The following ERVV-2 variants were observed in gnomAD, a reference collection of about 807,000 sequenced individuals.
ERVV-2 encodes endogenous retrovirus group V member 2, envelope, also known as endogenous retrovirus group V member 2 Env polyprotein.
For missense variants in ERVV-2, 291 were observed against 495.1 expected (o/e 0.59, Z 3.91); for synonymous variants, 105 against 184.6 (o/e 0.57, Z 3.49).
At chr19:53,046,473 G>C (rs946620750) in intron 1 of ERVV-2, among the ~76,000 whole-genome samples, 4 of 152,024 alleles carry the variant, frequency 2.6e-5, no homozygotes, top group Non-Finnish European at 5.9e-5. Flanking sequence ...ACCTCATTAG[G>C]CCATTGTAAC....
chr19:53,048,938 C>T lies in ERVV-2; in HGVS notation c.-314C>T. On this transcript the variant is annotated 5_prime_UTR_variant, in exon 2 of 2. Transcript: ENST00000601417. ...GAAACTGTGGGAAGGTCCCGAAGAACCACAGAAGAACAACAGAATTCAGCA... is the reference window on the plus strand; with the variant it reads ...GAAACTGTGGGAAGGTCCCGAAGAATCACAGAAGAACAACAGAATTCAGCA... The T allele has an allele frequency of 1.9e-6, 1 of 523,410 alleles. No individual in the cohort carries two copies. The highest frequency in any genetic ancestry group is 3.6e-5 in the East Asian group (1 of 27,568). 32.4% of individuals were successfully genotyped at this position (523,410 alleles called of 1,614,324 possible).
At chr19:53,045,285 TGACTGGG>T (rs2083886363) in intron 1 of ERVV-2, among the ~76,000 whole-genome samples, 1 of 150,074 alleles carries the variant, frequency 6.7e-6, no homozygotes, top group Non-Finnish European at 1.5e-5. Flanking sequence ...GGCTGTGCAG[TGACTGGG>T]GAGCTTCATA....
At chr19:53,047,151 T>C (rs922051236) in intron 1 of ERVV-2, among the ~76,000 whole-genome samples, 1 of 134,548 alleles carries the variant, frequency 7.4e-6, no homozygotes, top group Non-Finnish European at 1.6e-5. Flanking sequence ...AAAGTGAGAC[T>C]CCATGTCAAA....
rs1029146114 is a variant in ERVV-2, at chr19:53,051,303, T to C, written c.*444T>C. ...CTGGGACTACAGGCATGTGCCGCCA[T>C]GCCCGGCTAATTTTGTATTTTTAGT... is the stretch of plus-strand genomic sequence containing the variant. On this transcript the variant is annotated 3_prime_UTR_variant, in exon 2 of 2. Coordinates refer to ENST00000601417, the MANE Select transcript of ERVV-2 (RefSeq NM_001191055.2). Among the ~76,000 whole-genome samples, 5 of 151,952 alleles carry C rather than the reference T, an allele frequency of 3.3e-5. No homozygotes were observed. The highest frequency in any genetic ancestry group is 6.6e-5 in the Admixed American group (1 of 15,228).
In ERVV-2 at chr19:53,051,388, C is replaced by T. The variant is rs987176722; in HGVS notation, c.*529C>T. 2.6e-5 allele frequency among the ~76,000 whole-genome samples: 4 copies of T among 151,920 alleles called. No homozygotes were observed. Among genetic ancestry groups the T allele is most frequent in the Non-Finnish European group, 4.4e-5 (3 of 68,004 alleles). ...CTCAAACTCCTGACTTCAGGTGATT[C>T]GCTCGCCTCGGCCTCCTAAAGTGCT... On this transcript the variant is annotated 3_prime_UTR_variant, in exon 2 of 2. Coordinates refer to ENST00000601417, the MANE Select transcript of ERVV-2 (RefSeq NM_001191055.2).
intron 1 of ERVV-2, among the ~76,000 whole-genome samples, 187 bp from the exon 2 acceptor site, chr19:53,048,680 A>AAG (rs1381046499): frequency 1.3e-5 from 2 of 151,210 alleles, no homozygotes; most frequent in African/African-American, 4.9e-5. Flanking sequence ...CATCTCAAAA[A>AAG]AAAAAAAAAA....
chr19:53,047,947 A>G (rs2083897180), intron 1 of ERVV-2, among the ~76,000 whole-genome samples: 1 of 152,162 alleles, frequency 6.6e-6, no homozygotes, highest in African/African-American at 2.4e-5. Flanking sequence ...GCCAACACCA[A>G]CACAAATGGT....
rs911120828 is a variant in ERVV-2, at chr19:53,050,406, A to G, written c.1155A>G (p.Arg385=). Residue 385 remains arginine (R), a synonymous_variant, in exon 2 of 2, where the codon AGA becomes AGG. Transcript: ENST00000601417. ...TAGCAAATGTAGTCATGGACAACAG[A>G]TTGGCCTTAGATTACCTCTTAGCAG... ...DSLANVVMDN[R]LALDYLLAEQ... is the part of the protein sequence containing the mutation. The G allele has an allele frequency of 2.6e-6, 2 of 763,032 alleles. No homozygotes were observed. Among genetic ancestry groups the G allele is most frequent in the African/African-American group, 3.4e-5 (2 of 58,262 alleles). The allele number at this position is 763,032 out of a possible 1,614,324, so 47.3% of individuals were successfully genotyped here.
At chr19:53,045,570 G>T (rs1413522454) in intron 1 of ERVV-2, among the ~76,000 whole-genome samples, 1 of 152,014 alleles carries the variant, frequency 6.6e-6, no homozygotes, top group Non-Finnish European at 1.5e-5. Flanking sequence ...CAAACTGCTG[G>T]GATTACGGGC....
At position 53,049,104 on chromosome 19, in the gene ERVV-2, C is replaced by A; in HGVS notation, c.-148C>A. On this transcript the variant is annotated 5_prime_UTR_variant, in exon 2 of 2. Transcript: ENST00000601417. ...TGGTTGCGGTGGCATTGGTTCTTCT[C>A]CTTATTTTGACCCAACTGGCATGCC... 2 of 806,524 alleles carry A rather than the reference C, an allele frequency of 2.5e-6. No homozygotes were observed. Among genetic ancestry groups the A allele is most frequent in the Non-Finnish European group, 3.8e-6 (2 of 532,986 alleles). 50.0% of individuals were successfully genotyped at this position (806,524 alleles called of 1,614,324 possible).
chr19:53,046,210 C>T (rs1370518180), intron 1 of ERVV-2, among the ~76,000 whole-genome samples: 4 of 151,704 alleles, frequency 2.6e-5, no homozygotes, highest in Non-Finnish European at 5.9e-5. Context: ...TGCAGTGGGC[C>T]GAGATCGCAC....
intron 1 of ERVV-2, among the ~76,000 whole-genome samples, chr19:53,045,775 G>A (rs1434692809): frequency 2.0e-5 from 3 of 152,020 alleles, no homozygotes; most frequent in African/African-American, 4.8e-5. Flanking sequence ...AATTCTTCCT[G>A]CGGGTGCAAG....
rs2083908775 is a variant in ERVV-2, at chr19:53,050,609, C to G, written c.1358C>G (p.Ser453Cys). ...GAGGCTGTGAAGTCTGCCCTCCCCT[C>G]CCTCAACTGGTTTGTCCCTTTACTG... ...IWEAVKSALP[S>C]LNWFVPLLGP... is the part of the protein sequence containing the mutation. The change falls in exon 2 of 2, where the codon TCC becomes TGC. Residue 453 changes from serine (S) to cysteine (C), a missense_variant. Ser to Cys is a moderately radical substitution (Grantham distance 112, BLOSUM62 -1). Coordinates refer to ENST00000601417, the MANE Select transcript of ERVV-2 (RefSeq NM_001191055.2). 6.1e-6 allele frequency: 7 copies of G among 1,145,934 alleles called. No individual in the cohort carries two copies. Among genetic ancestry groups the G allele is most frequent in the South Asian group, 1.3e-5 (1 of 76,394 alleles). 71.0% of individuals were successfully genotyped at this position (1,145,934 alleles called of 1,614,324 possible).
rs1289789878 is a variant in ERVV-2, at chr19:53,050,914, G to A, written c.*55G>A. The stretch of plus-strand genomic sequence containing the variant: ...CTTCTTCGCCCCATGTCAGCAGGAA[G>A]TAGTTACAGAAGACCCACGACGTCC... On this transcript the variant is annotated 3_prime_UTR_variant, in exon 2 of 2. Transcript: ENST00000601417. 1 of 1,443,198 alleles carries A rather than the reference G, an allele frequency of 6.9e-7. No individual in the cohort carries two copies. Among genetic ancestry groups the A allele is most frequent in the Non-Finnish European group, 9.1e-7 (1 of 1,099,364 alleles). The allele number at this position is 1,443,198 out of a possible 1,614,324, so 89.4% of individuals were successfully genotyped here.
intron 1 of ERVV-2, among the ~76,000 whole-genome samples, chr19:53,048,059 C>A (rs1237405356): frequency 6.6e-6 from 1 of 152,054 alleles, no homozygotes; most frequent in African/African-American, 2.4e-5. Context: ...GGAAAGGAAA[C>A]AGCCAAGGGC....
chr19:53,051,213 C>A lies in ERVV-2; in HGVS notation c.*354C>A, dbSNP rs1292270265. The stretch of plus-strand genomic sequence containing the variant: ...CCAGGCTGGAGTACAATGGTGCGAT[C>A]TCGGCTCACTGCACCCTCCACCTCC... On this transcript the variant is annotated 3_prime_UTR_variant, in exon 2 of 2. Coordinates refer to ENST00000601417, the MANE Select transcript of ERVV-2 (RefSeq NM_001191055.2). The A allele has an allele frequency of 3.6e-5, 6 of 167,174 alleles. No homozygotes were observed. The highest frequency in any genetic ancestry group is 5.7e-5 in the Non-Finnish European group (5 of 88,000). The allele number at this position is 167,174 out of a possible 1,614,324, so 10.4% of individuals were successfully genotyped here.
At chr19:53,045,964 A>G (rs2083889278) in intron 1 of ERVV-2, among the ~76,000 whole-genome samples, 1 of 152,142 alleles carries the variant, frequency 6.6e-6, no homozygotes, top group Non-Finnish European at 1.5e-5. Flanking sequence ...GCCTGCTTAA[A>G]GAAATCCCTC....
rs753634711 is a variant in ERVV-2 at position 53,051,376 on chromosome 19, C to T, written c.*517C>T. 6.6e-6 allele frequency among the ~76,000 whole-genome samples: 1 copy of T among 151,878 alleles called. No homozygotes were observed. Among genetic ancestry groups the T allele is most frequent in the Non-Finnish European group, 1.5e-5 (1 of 67,984 alleles). On this transcript the variant is annotated 3_prime_UTR_variant, in exon 2 of 2. Coordinates refer to ENST00000601417, the MANE Select transcript of ERVV-2 (RefSeq NM_001191055.2). ...GGTCAGGCTAGTCTCAAACTCCTGACTTCAGGTGATTCGCTCGCCTCGGCC... is the reference window on the plus strand; with the variant it reads ...GGTCAGGCTAGTCTCAAACTCCTGATTTCAGGTGATTCGCTCGCCTCGGCC...
Position 53,050,953 on chromosome 19 carries a change from T to C in ERVV-2, c.*94T>C. 1 of 1,207,236 alleles carries C rather than the reference T, an allele frequency of 8.3e-7. No homozygotes were observed. Among genetic ancestry groups the C allele is most frequent in the East Asian group, 2.6e-5 (1 of 39,034 alleles). 74.8% of individuals were successfully genotyped at this position (1,207,236 alleles called of 1,614,324 possible). A position where few individuals can be genotyped will look rare whatever the true frequency, so the allele number is the denominator to read the frequency against. On this transcript the variant is annotated 3_prime_UTR_variant, in exon 2 of 2. Transcript: ENST00000601417. Reference sequence around the variant, plus strand: ...CCCACGACGTCCTTACAACCAGAGCTTTTCAGGGTCTCCATCTCTTGAGGA... The same window carrying C: ...CCCACGACGTCCTTACAACCAGAGCCTTTCAGGGTCTCCATCTCTTGAGGA...
Sources: gnomAD v4.1 joint callset for allele counts (sites outside exome capture counted in the v4.1 genomes callset) on GRCh38, gnomAD v4.1.1 for gene constraint, MANE v1.5 for transcripts, NCBI Gene and HGNC (gene_info 2026-07-23, HGNC 2026-07-21) for gene names.